PTPRM: variants seen among roughly 807,000 people sequenced by gnomAD.
PTPRM encodes the protein receptor-type tyrosine-protein phosphatase mu.
In PTPRM, 47 loss-of-function variants were observed where a neutral mutation model predicts 186.7. That is an observed-to-expected ratio of 0.25 (90% CI 0.20 to 0.32). The LOEUF is 0.32. Among genes scored for constraint, PTPRM ranks in the 10% least tolerant of loss-of-function variants. PTPRM has a pLI of 1.00. For synonymous variants in PTPRM, 668 were observed against 674.9 expected, an observed-to-expected ratio of 0.99 and a Z score of 0.16; for missense variants, 1,494 against 1,865.0, an observed-to-expected ratio of 0.80 and a Z score of 3.66.
chr18:7,854,997 G>A (rs1182555072), intron 2 of PTPRM, among the ~76,000 whole-genome samples: 2 of 152,022 alleles, frequency 1.3e-5, no homozygotes, highest in South Asian at 4.2e-4. Flanking sequence ...CCAAGCAACC[G>A]CCCCAGGCAG....
chr18:8,079,473 T>G (rs1003326664), intron 9 of PTPRM, among the ~76,000 whole-genome samples: 2 of 152,172 alleles, frequency 1.3e-5, no homozygotes, highest in Non-Finnish European at 2.9e-5. Flanking sequence ...CAAATGTAAC[T>G]ACTATTAACA....
rs776806818 is a variant in PTPRM, at chr18:8,394,535, G to A, written c.4268G>A (p.Arg1423Gln). The change falls in exon 32 of 33, where the codon CGG becomes CAG. Residue 1423 changes from arginine (R) to glutamine (Q), a missense_variant. Physicochemically the swap from Arg to Gln is conservative, Grantham distance 43 (BLOSUM62 1). Transcript: ENST00000580170. ...ATCAGCATCGTATGTGAGATGCTCC[G>A]GCACCAGAGAACCGTGGATGTCTTT... ...CAISIVCEML[R>Q]HQRTVDVFHA... The A allele has an allele frequency of 2.7e-5, 44 of 1,613,596 alleles. No individual in the cohort carries two copies. The highest frequency in any genetic ancestry group is 1.6e-4 in the Middle Eastern group (1 of 6,082).
chr18:8,348,439 A>G (rs2095517386), intron 23 of PTPRM, among the ~76,000 whole-genome samples: 2 of 152,176 alleles, frequency 1.3e-5, no homozygotes, highest in Non-Finnish European at 1.5e-5. Flanking sequence ...CCTTGTCACC[A>G]CCATGCCTCC....
intron 3 of PTPRM, among the ~76,000 whole-genome samples, chr18:7,902,686 T>C (rs575810696): frequency 1.3e-4 from 20 of 152,328 alleles, no homozygotes; most frequent in African/African-American, 4.6e-4. Flanking sequence ...TTCCAAAGCA[T>C]GCGGTAGATA....
chr18:7,754,668 T>G (rs2041384873), intron 1 of PTPRM: 1 of 152,226 alleles, frequency 6.6e-6, no homozygotes, highest in African/African-American at 2.4e-5. Context: ...TCAGTGTTGT[T>G]TATTCATTTC....
chr18:7,703,325 T>TG (rs2040005957), intron 1 of PTPRM, among the ~76,000 whole-genome samples: 1 of 152,140 alleles, frequency 6.6e-6, no homozygotes, highest in African/African-American at 2.4e-5. Context: ...TTTTTCCATT[T>TG]TTTGTGTCCT....
intron 1 of PTPRM, among the ~76,000 whole-genome samples, chr18:7,656,075 TA>T (rs1157995288): frequency 8.5e-5 from 13 of 152,148 alleles, no homozygotes; most frequent in African/African-American, 3.1e-4. Flanking sequence ...TCCACTTCAG[TA>T]TATATACCCA....
chr18:7,770,954 A>C (rs2144894828), intron 1 of PTPRM, among the ~76,000 whole-genome samples: 1 of 152,318 alleles, frequency 6.6e-6, no homozygotes, highest in South Asian at 2.1e-4. Context: ...GTAGTTCAAT[A>C]ATCATTCATA....
intron 6 of PTPRM, among the ~76,000 whole-genome samples, chr18:7,951,699 C>T (rs2052969929): frequency 6.6e-6 from 1 of 152,008 alleles, no homozygotes; most frequent in African/African-American, 2.4e-5. Context: ...AACTTTTTCT[C>T]CAATTATAAT....
At chr18:7,822,944 C>T (rs2045280801) in intron 2 of PTPRM, among the ~76,000 whole-genome samples, 1 of 152,160 alleles carries the variant, frequency 6.6e-6, no homozygotes, top group Non-Finnish European at 1.5e-5. Context: ...GTCTCCGTGA[C>T]ATCCTGTGCA....
chr18:7,822,670 A>T (rs2045261915), intron 2 of PTPRM, among the ~76,000 whole-genome samples: 3 of 152,152 alleles, frequency 2.0e-5, no homozygotes, highest in Admixed American at 2.0e-4. Flanking sequence ...CTTTCATTAC[A>T]ACCCTTAGAA....
intron 22 of PTPRM, among the ~76,000 whole-genome samples, chr18:8,328,397 A>C (rs1052359538): frequency 2.6e-5 from 4 of 152,230 alleles, no homozygotes; most frequent in African/African-American, 9.6e-5. Context: ...TTTTAAATCA[A>C]AAGCTCAGCC....
intron 1 of PTPRM, among the ~76,000 whole-genome samples, chr18:7,577,609 A>G (rs2036721991): frequency 6.6e-6 from 1 of 152,322 alleles, no homozygotes; most frequent in East Asian, 1.9e-4. Context: ...TCAGTGTATC[A>G]TACTCTCAAG....
chr18:7,929,103 C>T lies in PTPRM; in HGVS notation c.663+2420C>T, dbSNP rs185772500. The stretch of plus-strand genomic sequence containing the variant: ...TTAGTTGGTCTAGGGTGGGGCCCAG[C>T]GTGCAATGTTTTATTAAAGACTCTC... On this transcript the variant is annotated intron_variant, in intron 5 of 32. Transcript: ENST00000580170. Among the ~76,000 whole-genome samples the T allele has an allele frequency of 1.2e-4, 19 of 152,112 alleles. 1 individual carries two copies. The East Asian group carries it at 2.1e-3, about 17-fold the overall frequency.
chr18:7,930,160 C>T (rs1173840718), intron 5 of PTPRM, among the ~76,000 whole-genome samples: 3 of 152,080 alleles, frequency 2.0e-5, no homozygotes, highest in Non-Finnish European at 2.9e-5. Context: ...CCTCGACCAC[C>T]TGGGCTTAGA....
intron 6 of PTPRM, among the ~76,000 whole-genome samples, chr18:7,950,359 G>A (rs1568061984): frequency 6.6e-6 from 1 of 152,190 alleles, no homozygotes; most frequent in Non-Finnish European, 1.5e-5. Context: ...AGCTATGATT[G>A]TGCCCCTGCA....
chr18:7,982,101 A>T (rs2082584650), intron 7 of PTPRM, among the ~76,000 whole-genome samples: 1 of 152,140 alleles, frequency 6.6e-6, no homozygotes, highest in Non-Finnish European at 1.5e-5. Flanking sequence ...TGTGTCTTTA[A>T]TAATAAATTA....
chr18:7,801,354 T>C (rs1371148133), intron 2 of PTPRM, among the ~76,000 whole-genome samples: 1 of 152,184 alleles, frequency 6.6e-6, no homozygotes, highest in East Asian at 1.9e-4. Context: ...CCAAACATCT[T>C]ACCCTAGGCC....
At chr18:7,686,004 G>A (rs28497003) in intron 1 of PTPRM, among the ~76,000 whole-genome samples, 25,212 of 152,090 alleles carry the variant, frequency 0.17, 3,078 homozygotes, top group African/African-American at 0.35. Context: ...CAGAAAACTG[G>A]GCTCAGAATA....
Sources: allele counts gnomAD v4.1 joint callset (sites outside exome capture counted in the v4.1 genomes callset), GRCh38; gene constraint gnomAD v4.1.1; transcripts MANE v1.5; gene names NCBI Gene and HGNC (gene_info 2026-07-23, HGNC 2026-07-21).